MCTP2: variants seen among roughly 807,000 people sequenced by gnomAD.
MCTP2 encodes multiple C2 and transmembrane domain-containing protein 2.
MCTP2 carries 132 observed loss-of-function variants against 111.6 expected under a neutral mutation model. The ratio of observed to expected loss-of-function variants is 1.18; its 90% CI spans 1.03 to 1.37. MCTP2 has a LOEUF of 1.37. Ranked by LOEUF, MCTP2 falls within the 40% of genes most tolerant of loss-of-function variation. The pLI, the probability that MCTP2 is intolerant of heterozygous loss-of-function variation, is 0.00. For missense variants in MCTP2, 1,183 were observed against 1,067.9 expected, an observed-to-expected ratio of 1.11 and a Z score of -1.50; for synonymous variants, 395 against 387.7, an observed-to-expected ratio of 1.02 and a Z score of -0.22.
chr15:94,457,760 G>A (rs79161358), intron 19 of MCTP2, among the ~76,000 whole-genome samples: 118 of 152,346 alleles, frequency 7.7e-4, no homozygotes, highest in Middle Eastern at 3.4e-3. Context: ...ACTGATAGGA[G>A]AGGAGTAGGG....
At chr15:94,275,843 C>CT (rs2074162194) in intron 1 of MCTP2, among the ~76,000 whole-genome samples, 6 of 136,792 alleles carry the variant, frequency 4.4e-5, no homozygotes, top group East Asian at 2.1e-4. Flanking sequence ...GTTTTATAAG[C>CT]ATTTTTTTTT....
At chr15:94,245,256 A>G (rs1307349116) in intron 1 of MCTP2, among the ~76,000 whole-genome samples, 3 of 143,044 alleles carry the variant, frequency 2.1e-5, no homozygotes, top group African/African-American at 5.0e-5. Context: ...ACATATGTAT[A>G]TATACATATG....
intron 1 of MCTP2, among the ~76,000 whole-genome samples, chr15:94,238,202 GA>G (rs1185241650): frequency 9.2e-5 from 14 of 152,074 alleles, no homozygotes; most frequent in Non-Finnish European, 1.9e-4. Context: ...CTTTTTTGTT[GA>G]CATAGTAGAG....
intron 1 of MCTP2, among the ~76,000 whole-genome samples, chr15:94,237,808 C>G (rs1036501351): frequency 6.6e-6 from 1 of 152,138 alleles, no homozygotes; most frequent in African/African-American, 2.4e-5. Flanking sequence ...TCTGTCATCT[C>G]TAAGGGCAGC....
intron 17 of MCTP2, among the ~76,000 whole-genome samples, chr15:94,406,301 T>C (rs1049957763): frequency 6.6e-6 from 1 of 152,154 alleles, no homozygotes; most frequent in Non-Finnish European, 1.5e-5. Context: ...AGAGCTCATG[T>C]GTGTGTATGA....
At chr15:94,270,549 G>C (rs776904218) in intron 1 of MCTP2, among the ~76,000 whole-genome samples, 5 of 151,926 alleles carry the variant, frequency 3.3e-5, no homozygotes, top group Non-Finnish European at 7.4e-5. Flanking sequence ...TCATCTCCTG[G>C]TGGTCCCCCT....
intron 21 of MCTP2, 151 bp from the exon 22 acceptor site, chr15:94,476,545 T>C: frequency 3.8e-6 from 2 of 523,264 alleles, no homozygotes; most frequent in South Asian, 2.5e-5. Flanking sequence ...GAATATCCCC[T>C]CTCCCCCGAG....
At chr15:94,407,339 A>C (rs1420314933) in intron 17 of MCTP2, among the ~76,000 whole-genome samples, 2 of 152,226 alleles carry the variant, frequency 1.3e-5, no homozygotes, top group East Asian at 3.8e-4. Flanking sequence ...TTTCAGGCAC[A>C]CACCTATTGT....
At chr15:94,467,302 A>C (rs2073438432) in intron 20 of MCTP2, among the ~76,000 whole-genome samples, 1 of 152,076 alleles carries the variant, frequency 6.6e-6, no homozygotes, top group Non-Finnish European at 1.5e-5. Context: ...CTAGCTATGG[A>C]TTTATGTCCA....
chr15:94,465,942 T>G (rs539374175), intron 20 of MCTP2, among the ~76,000 whole-genome samples: 1 of 152,232 alleles, frequency 6.6e-6, no homozygotes, highest in East Asian at 1.9e-4. Context: ...CACATCTCTT[T>G]GATATCTGCC....
chr15:94,452,677 A>AT (rs2084538330), intron 19 of MCTP2, among the ~76,000 whole-genome samples: 1 of 152,188 alleles, frequency 6.6e-6, no homozygotes, highest in Admixed American at 6.5e-5. Context: ...TTATCTGTTG[A>AT]TCCCCCAGTT....
At chr15:94,328,591 A>G (rs1256192627) in intron 4 of MCTP2, among the ~76,000 whole-genome samples, 2 of 151,984 alleles carry the variant, frequency 1.3e-5, no homozygotes, top group African/African-American at 2.4e-5. Context: ...CTCATGTCTG[A>G]GTTTTGATTT....
Position 94,483,877 on chromosome 15 carries a change from CCT to C in MCTP2, c.*4847_*4848del, listed in dbSNP as rs2074849552. 1 of 152,130 alleles carries C rather than the reference CCT, an allele frequency of 6.6e-6. No individual in the cohort carries two copies. The highest frequency in any genetic ancestry group is 1.5e-5 in the Non-Finnish European group (1 of 68,016). The allele number at this position is 152,130 out of a possible 1,614,324, so 9.4% of individuals were successfully genotyped here. A position where few individuals can be genotyped will look rare whatever the true frequency, so the allele number is the denominator to read the frequency against. On this transcript the variant is annotated 3_prime_UTR_variant, in exon 23 of 23. Transcript: ENST00000357742. ...AAAAACTATGTTCTATCAAAACCTG[CCT>C]CTCATTTATGTATTAGGAATCTTGT...
chr15:94,393,260 C>T (rs980769802), intron 14 of MCTP2, among the ~76,000 whole-genome samples: 2 of 151,878 alleles, frequency 1.3e-5, no homozygotes, highest in Admixed American at 6.6e-5. Context: ...CAAAACAAAA[C>T]AAAAAATGAT....
At chr15:94,448,481 A>G (rs151163134) in intron 19 of MCTP2, among the ~76,000 whole-genome samples, 1 of 152,326 alleles carries the variant, frequency 6.6e-6, no homozygotes, top group African/African-American at 2.4e-5. Flanking sequence ...TCCCTAATCT[A>G]AATACTTGAA....
chr15:94,442,964 C>A lies in MCTP2; in HGVS notation c.2250+4C>A. ...CGAGGAGGATGAAGATGACAAGGTG[C>A]GTATGTTCAAGAAAGAACACACACA... On this transcript the variant is annotated splice_donor_region_variant and intron_variant, in intron 19 of 22. Coordinates refer to ENST00000357742, the MANE Select transcript of MCTP2 (RefSeq NM_001385001.1). 1 of 1,611,056 alleles carries A rather than the reference C, an allele frequency of 6.2e-7. No homozygotes were observed. The highest frequency in any genetic ancestry group is 8.5e-7 in the Non-Finnish European group (1 of 1,178,756).
chr15:94,252,261 T>C (rs1201493971), intron 1 of MCTP2, among the ~76,000 whole-genome samples: 1 of 152,202 alleles, frequency 6.6e-6, no homozygotes, highest in Non-Finnish European at 1.5e-5. Flanking sequence ...CCAATCTCTC[T>C]AGAGTCTTGC....
At position 94,478,975 on chromosome 15, in the gene MCTP2, G is replaced by C. The variant is rs767824820; in HGVS notation, c.2578G>C (p.Ala860Pro). The C allele has an allele frequency of 6.2e-7, 1 of 1,614,004 alleles. No individual in the cohort carries two copies. The highest frequency in any genetic ancestry group is 1.7e-5 in the Admixed American group (1 of 60,022). The change falls in exon 23 of 23, where the codon GCA (alanine) becomes CCA (proline). Residue 860 changes from alanine (A) to proline (P), a missense_variant. Ala to Pro is a conservative substitution (Grantham distance 27). Coordinates refer to ENST00000357742, the MANE Select transcript of MCTP2 (RefSeq NM_001385001.1). ...CTATTTGTTTTCACAGGTGCAGTAT[G>C]CAGAATTGAAACTCTGCAGCAGCCA... ...VPSDVQKVQYAELKLCSSHSP... is the reference protein window; with the variant it reads ...VPSDVQKVQYPELKLCSSHSP...
In MCTP2 at chr15:94,459,151, C is replaced by CCT. The variant is rs1240796944; in HGVS notation, c.2360+905_2360+906insCT. 2.9e-3 allele frequency among the ~76,000 whole-genome samples: 436 copies of CCT among 152,210 alleles called. 1 individual carries two copies. The highest frequency in any genetic ancestry group is 9.6e-3 in the African/African-American group (400 of 41,544). On this transcript the variant is annotated intron_variant, in intron 20 of 22. Coordinates refer to ENST00000357742, the MANE Select transcript of MCTP2 (RefSeq NM_001385001.1). ...TTATTAACTTATTTCCCCCTTTAAT[C>CCT]TAGAATTGTGTCAACCGTGTTCTTT...
Sources: allele counts gnomAD v4.1 joint callset (sites outside exome capture counted in the v4.1 genomes callset), GRCh38; gene constraint gnomAD v4.1.1; transcripts MANE v1.5; gene names NCBI Gene and HGNC (gene_info 2026-07-23, HGNC 2026-07-21).